ANKRD44: variants seen among roughly 807,000 people sequenced by gnomAD.
The protein encoded by ANKRD44 is ankyrin repeat domain 44, also known as serine/threonine-protein phosphatase 6 regulatory ankyrin repeat subunit B.
A neutral mutation model predicts 116.0 loss-of-function variants in ANKRD44; 35 were observed. That is an observed-to-expected ratio of 0.30 (90% CI 0.23 to 0.40). The LOEUF (loss-of-function observed/expected upper bound fraction) is 0.40, where lower values mean the gene tolerates loss of function less well. Among genes scored for constraint, ANKRD44 ranks in the 10% least tolerant of loss-of-function variants. The probability of loss-of-function intolerance (pLI) is 1.00; values close to 1 mark genes in which losing one functional copy is unlikely to be tolerated. For synonymous variants in ANKRD44, 435 were observed against 461.8 expected, an observed-to-expected ratio of 0.94 and a Z score of 0.74; for missense variants, 1,014 against 1,242.6, an observed-to-expected ratio of 0.82 and a Z score of 2.77.
At chr2:197,028,886 T>G (rs962852510) in intron 16 of ANKRD44, 1 of 172,494 alleles carries the variant, frequency 5.8e-6, no homozygotes, top group Non-Finnish European at 1.2e-5. Context: ...TACAACCCCT[T>G]CTCATGTGAT....
chr2:197,177,156 G>A (rs937173482), intron 2 of ANKRD44, among the ~76,000 whole-genome samples: 4 of 152,080 alleles, frequency 2.6e-5, no homozygotes, highest in Non-Finnish European at 5.9e-5. Context: ...AAACGTAAGA[G>A]TTATTACTTT....
At chr2:197,053,041 C>T (rs765573999) in intron 16 of ANKRD44, among the ~76,000 whole-genome samples, 7 of 152,042 alleles carry the variant, frequency 4.6e-5, no homozygotes, top group Admixed American at 3.3e-4. Context: ...CATAGTGGTG[C>T]GTGCCTGTAG....
chr2:197,310,677 G>A lies in ANKRD44; in HGVS notation c.-73C>T. Reference sequence around the variant, plus strand: ...ATGTCACGCCGGGAGCCGGGGAAGCGGAAGGGATTGCCAGGAGAAGGGAAA... The same window carrying A: ...ATGTCACGCCGGGAGCCGGGGAAGCAGAAGGGATTGCCAGGAGAAGGGAAA... On this transcript the variant is annotated 5_prime_UTR_variant, in exon 1 of 28. Coordinates refer to ENST00000282272, the MANE Select transcript of ANKRD44 (RefSeq NM_001195144.2). 1.6e-6 allele frequency: 2 copies of A among 1,286,124 alleles called. No homozygotes were observed. Among genetic ancestry groups the A allele is most frequent in the South Asian group, 1.5e-5 (1 of 65,284 alleles). 79.7% of individuals were successfully genotyped at this position (1,286,124 alleles called of 1,614,324 possible).
intron 4 of ANKRD44, among the ~76,000 whole-genome samples, chr2:197,127,187 A>G (rs1433595664): frequency 2.6e-5 from 4 of 152,186 alleles, no homozygotes; most frequent in Admixed American, 6.5e-5. Flanking sequence ...TGCATTTTCT[A>G]ACAGGCCATT....
intron 1 of ANKRD44, among the ~76,000 whole-genome samples, chr2:197,241,188 T>A (rs10204429): frequency 0.17 from 26,404 of 152,084 alleles, 2,529 homozygotes; most frequent in Middle Eastern, 0.3. Flanking sequence ...AAAGCTAACA[T>A]CTTAAAAGAA....
At chr2:196,978,478 C>A (rs556457848) in intron 21 of ANKRD44, among the ~76,000 whole-genome samples, 2 of 152,036 alleles carry the variant, frequency 1.3e-5, no homozygotes, top group Non-Finnish European at 2.9e-5. Flanking sequence ...ATGTATGAAC[C>A]CTGAAAACAT....
intron 16 of ANKRD44, chr2:197,029,278 G>T: frequency 5.0e-6 from 1 of 201,260 alleles, no homozygotes; most frequent in Non-Finnish European, 1.0e-5. Context: ...TCTTGGCCTG[G>T]CAAAGAATGG....
In ANKRD44 at chr2:197,213,059, C is replaced by T. The variant is rs150479127; in HGVS notation, c.28-25953G>A. 8.0e-3 allele frequency among the ~76,000 whole-genome samples: 1,223 copies of T among 152,294 alleles called. 7 individuals are homozygous for T. Among genetic ancestry groups the T allele is most frequent in the Middle Eastern group, 0.037 (11 of 294 alleles). On this transcript the variant is annotated intron_variant, in intron 1 of 27. Transcript: ENST00000282272. ...CTGCAGGCCAAAGTGGCTGTGTTGG[C>T]CTCCACAAGGGATAGTATACAGGCC...
chr2:197,037,717 C>T (rs2076833810), intron 16 of ANKRD44, among the ~76,000 whole-genome samples: 1 of 152,170 alleles, frequency 6.6e-6, no homozygotes, highest in African/African-American at 2.4e-5. Flanking sequence ...GTGGGAGGAT[C>T]ACTTGAGCCC....
chr2:197,102,062 A>C (rs1208570248), intron 9 of ANKRD44, among the ~76,000 whole-genome samples: 1 of 152,032 alleles, frequency 6.6e-6, no homozygotes, highest in Non-Finnish European at 1.5e-5. Context: ...AAAAAAAACA[A>C]AAAACAAAAA....
At chr2:197,298,760 T>C (rs2083802327) in intron 1 of ANKRD44, among the ~76,000 whole-genome samples, 1 of 151,840 alleles carries the variant, frequency 6.6e-6, no homozygotes, top group Non-Finnish European at 1.5e-5. Context: ...CTACTAAAAA[T>C]ACAAAAACTA....
intron 1 of ANKRD44, among the ~76,000 whole-genome samples, chr2:197,305,965 TTTTATATATA>T (rs2084056824): frequency 1.1e-5 from 1 of 90,678 alleles, no homozygotes; most frequent in South Asian, 3.4e-4. Context: ...CCGCAGTTCG[TTTTATATATA>T]TATATATATA....
rs1035254979 is a variant in ANKRD44 at position 197,194,987 on chromosome 2, G to A, written c.28-7881C>T. Among the ~76,000 whole-genome samples the A allele has an allele frequency of 3.3e-5, 5 of 152,040 alleles. No individual in the cohort carries two copies. The South Asian group carries it at 6.2e-4, about 19-fold the overall frequency. On this transcript the variant is annotated intron_variant, in intron 1 of 27. Coordinates refer to ENST00000282272, the MANE Select transcript of ANKRD44 (RefSeq NM_001195144.2). ...AGTTAGAAAAATGAATAACTGGGTG[G>A]GGGGAGCATCACATCAGCATAAGAA...
At chr2:197,121,626 G>T in intron 7 of ANKRD44, 82 bp from the exon 8 acceptor site, 2 of 1,216,690 alleles carry the variant, frequency 1.6e-6, no homozygotes, top group East Asian at 5.0e-5. Context: ...AACGGCTGTG[G>T]CTAGAGAAAG....
At chr2:197,102,415 A>C (rs996010483) in intron 9 of ANKRD44, among the ~76,000 whole-genome samples, 2 of 152,188 alleles carry the variant, frequency 1.3e-5, no homozygotes, top group Admixed American at 6.5e-5. Context: ...GGCACGGTGC[A>C]ATTTTACACT....
intron 1 of ANKRD44, among the ~76,000 whole-genome samples, chr2:197,284,621 C>T (rs143607115): frequency 1.7e-3 from 262 of 152,072 alleles, no homozygotes; most frequent in Non-Finnish European, 2.6e-3. Context: ...CGTGGTGGCT[C>T]ATGCCTATAA....
At chr2:197,062,908 C>T (rs1048693518) in intron 16 of ANKRD44, among the ~76,000 whole-genome samples, 175 of 152,226 alleles carry the variant, frequency 1.1e-3, no homozygotes, top group Non-Finnish European at 1.6e-3. Flanking sequence ...CAAAGCCAAA[C>T]AAAAGGCAGC....
At chr2:197,252,592 G>C (rs975102269) in intron 1 of ANKRD44, among the ~76,000 whole-genome samples, 8 of 152,006 alleles carry the variant, frequency 5.3e-5, no homozygotes, top group African/African-American at 1.9e-4. Flanking sequence ...GTTTTTAGTA[G>C]AGACGGGGTT....
At chr2:197,167,183 C>A (rs759263001) in intron 2 of ANKRD44, among the ~76,000 whole-genome samples, 1 of 151,776 alleles carries the variant, frequency 6.6e-6, no homozygotes, top group Non-Finnish European at 1.5e-5. Flanking sequence ...AGAAATAAGA[C>A]ATTTGCCTTT....
Sources: gnomAD v4.1 joint callset for allele counts (sites outside exome capture counted in the v4.1 genomes callset) on GRCh38, gnomAD v4.1.1 for gene constraint, MANE v1.5 for transcripts, NCBI Gene and HGNC (gene_info 2026-07-23, HGNC 2026-07-21) for gene names.